The following TUBA1C variants were observed in gnomAD, a reference collection of about 807,000 sequenced individuals.
TUBA1C encodes the protein tubulin alpha-1C chain.
TUBA1C carries 16 observed loss-of-function variants against 34.9 expected under a neutral mutation model. The ratio of observed to expected loss-of-function variants is 0.46; its 90% CI spans 0.31 to 0.70. TUBA1C has a LOEUF of 0.70. Ranked by LOEUF, TUBA1C falls within the 30% of genes least tolerant of loss-of-function variation. The pLI, the probability that TUBA1C is intolerant of heterozygous loss-of-function variation, is 0.05. For missense variants in TUBA1C, 329 were observed against 587.3 expected (o/e 0.56, Z 4.55); for synonymous variants, 177 against 215.9 (o/e 0.82, Z 1.58).
chr12:49,253,086 T>TAA (rs896502071), intron 1 of TUBA1C, among the ~76,000 whole-genome samples: 10 of 95,570 alleles, frequency 1.0e-4, no homozygotes, highest in East Asian at 2.9e-4. Flanking sequence ...GACCCTATCT[T>TAA]AAAAAAAAAA....
intron 1 of TUBA1C, among the ~76,000 whole-genome samples, chr12:49,254,638 G>C (rs1041757917): frequency 2.6e-5 from 4 of 151,978 alleles, no homozygotes; most frequent in Non-Finnish European, 5.9e-5. Flanking sequence ...ATATGTTCTT[G>C]TTTACCAGTT....
Position 49,274,314 on chromosome 12 carries a change from T to TG in TUBA1C, c.*1089dup, listed in dbSNP as rs1943033852. On this transcript the variant is annotated 3_prime_UTR_variant, in exon 4 of 4. Transcript: ENST00000301072. ...TTTTTTTTTTTTTTTTTTTTTTTTT[T>TG]GGTAGAGATGGGGTTTTGCCATGTT... 7 of 138,956 alleles carry TG rather than the reference T, an allele frequency of 5.0e-5. No individual in the cohort carries two copies. The South Asian group carries it at 1.6e-3, about 32-fold the overall frequency. 8.6% of individuals were successfully genotyped at this position (138,956 alleles called of 1,614,324 possible). A position where few individuals can be genotyped will look rare whatever the true frequency, so the allele number is the denominator to read the frequency against.
upstream of TUBA1C, among the ~76,000 whole-genome samples, chr12:49,261,617 T>TG: frequency 6.6e-6 from 1 of 152,246 alleles, no homozygotes; most frequent in African/African-American, 2.4e-5. Context: ...GTTATAAATT[T>TG]CTACATAAGC....
intron 1 of TUBA1C, among the ~76,000 whole-genome samples, chr12:49,237,603 CAT>C (rs1275253646): frequency 1.3e-5 from 2 of 151,436 alleles, no homozygotes; most frequent in Non-Finnish European, 2.9e-5. Context: ...AAATTAGCCA[CAT>C]GTGGTGGCAT....
intron 1 of TUBA1C, among the ~76,000 whole-genome samples, chr12:49,228,661 A>G (rs1372935318): frequency 6.6e-6 from 1 of 152,208 alleles, no homozygotes; most frequent in Admixed American, 6.6e-5. Flanking sequence ...ATACTAAAGA[A>G]TGATTTATTA....
intron 1 of TUBA1C, among the ~76,000 whole-genome samples, chr12:49,235,470 C>T (rs1347051359): frequency 1.3e-5 from 2 of 152,022 alleles, no homozygotes; most frequent in East Asian, 1.9e-4. Context: ...CGCAGTGGCT[C>T]ACACCTGTAA....
intron 1 of TUBA1C, among the ~76,000 whole-genome samples, chr12:49,246,630 G>A (rs536031018): frequency 2.0e-5 from 3 of 151,138 alleles, no homozygotes; most frequent in South Asian, 2.1e-4. Context: ...AGCGGAGATC[G>A]CACCACTGCA....
rs180706269 is a variant in TUBA1C, at chr12:49,259,527, T to A, written c.214-9938T>A. Among the ~76,000 whole-genome samples, 185 of 152,338 alleles carry A rather than the reference T, an allele frequency of 1.2e-3. 2 individuals carry two copies. The highest frequency in any genetic ancestry group is 3.9e-3 in the African/African-American group (163 of 41,586). The stretch of plus-strand genomic sequence containing the variant: ...CATGAGCCACCACGCCCAACCTAGA[T>A]ACAAATACCATCTAGTTACAATCGC... On this transcript the variant is annotated intron_variant, in intron 1 of 3. Coordinates refer to the TUBA1C transcript ENST00000541364.
In TUBA1C at chr12:49,273,455, A is replaced by T; in HGVS notation, c.*228A>T. Reference sequence around the variant, plus strand: ...GGCTGGAGTGCAGTGGCATGATAATACATAGCTCATTGCAGCCTCGAGCTC... The same window carrying T: ...GGCTGGAGTGCAGTGGCATGATAATTCATAGCTCATTGCAGCCTCGAGCTC... On this transcript the variant is annotated 3_prime_UTR_variant, in exon 4 of 4. Coordinates refer to ENST00000301072, the MANE Select transcript of TUBA1C (RefSeq NM_032704.5). 1.5e-6 allele frequency: 1 copy of T among 687,268 alleles called. No homozygotes were observed. The highest frequency in any genetic ancestry group is 2.4e-6 in the Non-Finnish European group (1 of 420,492). 42.6% of individuals were successfully genotyped at this position (687,268 alleles called of 1,614,324 possible). A position where few individuals can be genotyped will look rare whatever the true frequency, so the allele number is the denominator to read the frequency against.
At chr12:49,264,818 TTCCTCCC>T (rs1942879636), upstream of TUBA1C, 2 of 93,538 alleles carry the variant, frequency 2.1e-5, no homozygotes, top group African/African-American at 9.6e-5. Context: ...CTTCCTCCCC[TTCCTCCC>T]CTTCCTCCCC....
intron 1 of TUBA1C, among the ~76,000 whole-genome samples, chr12:49,246,096 G>A (rs1013342473): frequency 2.0e-5 from 3 of 151,824 alleles, no homozygotes; most frequent in East Asian, 2.0e-4. Context: ...AGTAGAGACC[G>A]GGTTTCACCA....
chr12:49,266,914 T>C (rs1942922034), intron 1 of TUBA1C, among the ~76,000 whole-genome samples: 2 of 152,196 alleles, frequency 1.3e-5, no homozygotes, highest in South Asian at 4.1e-4. Context: ...TTATTGCTTC[T>C]TTTCAAGCAG....
At chr12:49,243,096 C>T (rs1289724795) in intron 1 of TUBA1C, among the ~76,000 whole-genome samples, 2 of 152,178 alleles carry the variant, frequency 1.3e-5, no homozygotes, top group African/African-American at 2.4e-5. Context: ...GTGTGAACCA[C>T]CGTGCCCGGT....
chr12:49,273,106 G>C lies in TUBA1C; in HGVS notation c.1229G>C (p.Gly410Ala). The change falls in exon 4 of 4, where the codon GGT becomes GCT. Residue 410 changes from glycine (G) to alanine (A), a missense_variant. This residue lies in a region of TUBA1C where 140 missense variants were observed against 289.8 expected (regional missense o/e 0.48). Coordinates refer to ENST00000301072, the MANE Select transcript of TUBA1C (RefSeq NM_032704.5). ...CGTGCCTTTGTTCACTGGTACGTGGGTGAGGGGATGGAGGAAGGCGAGTTT... is the reference window on the plus strand; with the variant it reads ...CGTGCCTTTGTTCACTGGTACGTGGCTGAGGGGATGGAGGAAGGCGAGTTT... ...AKRAFVHWYV[G>A]EGMEEGEFSE... The C allele has an allele frequency of 6.2e-7, 1 of 1,614,242 alleles. No homozygotes were observed. Among genetic ancestry groups the C allele is most frequent in the Non-Finnish European group, 8.5e-7 (1 of 1,180,044 alleles).
intron 1 of TUBA1C, among the ~76,000 whole-genome samples, chr12:49,265,626 C>A (rs1942897530): frequency 6.6e-6 from 1 of 152,250 alleles, no homozygotes; most frequent in African/African-American, 2.4e-5. Flanking sequence ...CCTGGCTCCC[C>A]CTCTCCAGCG....
intron 1 of TUBA1C, among the ~76,000 whole-genome samples, chr12:49,266,622 G>GA (rs1942917682): frequency 6.6e-6 from 1 of 152,154 alleles, no homozygotes; most frequent in Non-Finnish European, 1.5e-5. Context: ...TCCGAGGCGG[G>GA]AGGACCGCTT....
At chr12:49,268,219 C>T (rs1942941642) in intron 1 of TUBA1C, among the ~76,000 whole-genome samples, 1 of 152,210 alleles carries the variant, frequency 6.6e-6, no homozygotes, top group Admixed American at 6.5e-5. Context: ...ATGCCTCAGT[C>T]TTCCGAGTAG....
At chr12:49,256,318 A>T (rs1271204974) in intron 1 of TUBA1C, 1 of 402,870 alleles carries the variant, frequency 2.5e-6, no homozygotes, top group Non-Finnish European at 5.1e-6. Flanking sequence ...CGTGCAGAGT[A>T]AAGAGAAAGA....
At chr12:49,241,109 C>T (rs1476189651) in intron 1 of TUBA1C, among the ~76,000 whole-genome samples, 1 of 152,102 alleles carries the variant, frequency 6.6e-6, no homozygotes, top group East Asian at 1.9e-4. Context: ...ACCATGTTGG[C>T]CAGGCTGGTC....
Sources: gnomAD v4.1 joint callset for allele counts (sites outside exome capture counted in the v4.1 genomes callset) on GRCh38, gnomAD v4.1.1 for gene constraint, gnomAD v4.1.1 regional missense constraint, MANE v1.5 for transcripts, NCBI Gene and HGNC (gene_info 2026-07-23, HGNC 2026-07-21) for gene names.